Variants in MYZAP observed in about 807,000 individuals in gnomAD.
The protein encoded by MYZAP is myocardial zonula adherens protein.
Under a neutral mutation model 69.4 loss-of-function variants are expected in MYZAP, and 66 were observed. The ratio of observed to expected loss-of-function variants is 0.95; its 90% CI spans 0.78 to 1.17. MYZAP has a LOEUF of 1.17. MYZAP is among the 50% of genes most tolerant of loss of function. The pLI is 0.00. For synonymous variants in MYZAP, 256 were observed against 205.9 expected (o/e 1.24, Z -2.09); for missense variants, 611 against 556.2 (o/e 1.10, Z -0.99).
rs146662177 is a variant in MYZAP at position 57,674,994 on chromosome 15, C to T, written c.1230C>T (p.Asp410=). The part of the protein sequence containing the change: ...GENNELQSRL[D]YLTETQAKTE... ...ATAATGAACTACAAAGCAGGTTGGA[C>T]TATTTAACAGAAACCCAGGCCAAGA... Residue 410 remains aspartate, a synonymous_variant, in exon 12 of 13, where the codon GAC becomes GAT. Coordinates refer to ENST00000267853, the MANE Select transcript of MYZAP (RefSeq NM_001018100.5). The T allele has an allele frequency of 1.1e-5, 17 of 1,613,252 alleles. No homozygotes were observed. Among genetic ancestry groups the T allele is most frequent in the Non-Finnish European group, 1.4e-5 (17 of 1,179,526 alleles).
chr15:57,591,999 G>A lies in MYZAP; in HGVS notation c.-36G>A, dbSNP rs542491438. 3.6e-4 allele frequency: 504 copies of A among 1,414,510 alleles called. 6 individuals are homozygous for A. The African/African-American group carries it at 6.1e-3, about 17-fold the overall frequency. The allele number at this position is 1,414,510 out of a possible 1,614,324, so 87.6% of individuals were successfully genotyped here. A position where few individuals can be genotyped will look rare whatever the true frequency, so the allele number is the denominator to read the frequency against. On this transcript the variant is annotated 5_prime_UTR_variant, in exon 1 of 13. Coordinates refer to ENST00000267853, the MANE Select transcript of MYZAP (RefSeq NM_001018100.5). ...CACGCTTATTCTGCCCGGGAGGAAC[G>A]CCGGCGTCCAGCCCGCTACCGACCG... is the stretch of plus-strand genomic sequence containing the variant.
intron 2 of MYZAP, among the ~76,000 whole-genome samples, chr15:57,614,747 C>T (rs760976382): frequency 6.6e-6 from 1 of 152,106 alleles, no homozygotes; most frequent in Non-Finnish European, 1.5e-5. Context: ...ACGTGAGTTC[C>T]AGTTGTTCTC....
intron 3 of MYZAP, among the ~76,000 whole-genome samples, chr15:57,621,205 CTTT>C (rs61201214): frequency 1.6e-5 from 2 of 127,310 alleles, no homozygotes; most frequent in Non-Finnish European, 1.6e-5. Flanking sequence ...CTTTCTTTTT[CTTT>C]TTTTTTTTTT....
At chr15:57,674,827 T>G (rs2039036288) in intron 11 of MYZAP, 141 bp from the exon 12 acceptor site, 1 of 674,886 alleles carries the variant, frequency 1.5e-6, no homozygotes, top group Non-Finnish European at 2.4e-6. Flanking sequence ...ACAACTATTG[T>G]GTAAGTGATG....
At chr15:57,632,401 A>G in intron 6 of MYZAP, 33 bp from the exon 7 acceptor site, 1 of 1,613,700 alleles carries the variant, frequency 6.2e-7, no homozygotes, top group Non-Finnish European at 8.5e-7. Context: ...GGGCCCTGCA[A>G]AAGCTGTCGT....
At chr15:57,628,803 G>A (rs2036310754) in intron 5 of MYZAP, among the ~76,000 whole-genome samples, 1 of 152,166 alleles carries the variant, frequency 6.6e-6, no homozygotes, top group African/African-American at 2.4e-5. Context: ...AAAAAAGGGA[G>A]GCCGGGCGTG....
intron 9 of MYZAP, among the ~76,000 whole-genome samples, chr15:57,638,229 C>T (rs929623495): frequency 6.6e-6 from 1 of 152,144 alleles, no homozygotes; most frequent in Admixed American, 6.5e-5. Flanking sequence ...CGGAATAGTA[C>T]GCTGTCTGTT....
intron 11 of MYZAP, among the ~76,000 whole-genome samples, chr15:57,668,895 T>TA (rs1491406509): frequency 1.3e-3 from 69 of 51,596 alleles, no homozygotes; most frequent in African/African-American, 4.9e-3. Flanking sequence ...TATATATATA[T>TA]TTTTTTTTTT....
At chr15:57,678,874 G>GA (rs1166389034) in intron 12 of MYZAP, among the ~76,000 whole-genome samples, 5 of 150,352 alleles carry the variant, frequency 3.3e-5, no homozygotes, top group South Asian at 2.1e-4. Flanking sequence ...TGTCTTGTGT[G>GA]AAAAAAAAAT....
chr15:57,599,508 G>T (rs1321007929), intron 1 of MYZAP: 5 of 1,214,028 alleles, frequency 4.1e-6, no homozygotes, highest in Middle Eastern at 3.5e-4. Context: ...AGCTGGTTCG[G>T]TAGCAGTGGT....
At chr15:57,662,592 T>G (rs2038365029) in intron 11 of MYZAP, among the ~76,000 whole-genome samples, 1 of 152,204 alleles carries the variant, frequency 6.6e-6, no homozygotes, top group Non-Finnish European at 1.5e-5. Context: ...TCAGAATGTA[T>G]AGAAGGTGCC....
At chr15:57,613,576 G>T (rs1191544054) in intron 2 of MYZAP, among the ~76,000 whole-genome samples, 1 of 151,726 alleles carries the variant, frequency 6.6e-6, no homozygotes, top group African/African-American at 2.4e-5. Context: ...TTACCATGTT[G>T]CCCAGGCTGG....
chr15:57,624,971 G>C (rs1347147373), intron 4 of MYZAP, among the ~76,000 whole-genome samples: 1 of 151,904 alleles, frequency 6.6e-6, no homozygotes, highest in East Asian at 1.9e-4. Flanking sequence ...CCAATATCTA[G>C]GTCAAGAATG....
rs915088281 is a variant in MYZAP, at chr15:57,604,306, A to T, written c.113A>T (p.Glu38Val). 6.2e-7 allele frequency: 1 copy of T among 1,614,088 alleles called. No individual in the cohort carries two copies. The highest frequency in any genetic ancestry group is 1.7e-5 in the Admixed American group (1 of 60,016). Residue 38 changes from glutamate (E) to valine (V), a missense_variant, in exon 2 of 13, where the codon GAG becomes GTG. By Grantham distance (121) the Glu-to-Val change is moderately radical. Coordinates refer to ENST00000267853, the MANE Select transcript of MYZAP (RefSeq NM_001018100.5). Reference sequence around the variant, plus strand: ...AGACTACGGCTGACCGTACCTCCTGAGAGTCCAGTTCCTGAGCAATGTGAA... The same window carrying T: ...AGACTACGGCTGACCGTACCTCCTGTGAGTCCAGTTCCTGAGCAATGTGAA... ...VCRLRLTVPP[E>V]SPVPEQCEKK...
At chr15:57,618,623 T>A (rs1270485384) in intron 3 of MYZAP, among the ~76,000 whole-genome samples, 2 of 152,230 alleles carry the variant, frequency 1.3e-5, no homozygotes, top group Non-Finnish European at 2.9e-5. Context: ...AGCCAATCAA[T>A]GCCATTTCCT....
intron 2 of MYZAP, among the ~76,000 whole-genome samples, chr15:57,607,098 G>A (rs1446065724): frequency 1.3e-5 from 2 of 152,232 alleles, no homozygotes; most frequent in Non-Finnish European, 2.9e-5. Flanking sequence ...GTGTCCAGGT[G>A]CTCAGAGCTG....
chr15:57,612,802 T>A (rs2442077), intron 2 of MYZAP, among the ~76,000 whole-genome samples: 10,692 of 152,266 alleles, frequency 0.07, 1,020 homozygotes, highest in African/African-American at 0.22. Context: ...GTAGAATTTA[T>A]GCTGTGAGTA....
At chr15:57,639,351 T>G in intron 9 of MYZAP, 89 bp from the exon 10 acceptor site, 1 of 1,410,414 alleles carries the variant, frequency 7.1e-7, no homozygotes, top group East Asian at 2.4e-5. Context: ...TTGGCGCTCT[T>G]GGCAATATTC....
chr15:57,610,696 A>T (rs1412253638), intron 2 of MYZAP, among the ~76,000 whole-genome samples: 1 of 152,210 alleles, frequency 6.6e-6, no homozygotes, highest in Non-Finnish European at 1.5e-5. Context: ...TTCTATTGGT[A>T]AAGCAGTCAA....
Sources: allele counts gnomAD v4.1 joint callset (sites outside exome capture counted in the v4.1 genomes callset), GRCh38; gene constraint gnomAD v4.1.1; transcripts MANE v1.5; gene names NCBI Gene and HGNC (gene_info 2026-07-23, HGNC 2026-07-21).